The following CNR1 variants were observed in gnomAD, a reference collection of about 807,000 sequenced individuals.
CNR1 encodes the protein cannabinoid receptor 1, also known as cannabinoid receptor 1 (brain).
CNR1 carries 10 observed loss-of-function variants against 23.0 expected under a neutral mutation model. The ratio of observed to expected loss-of-function variants is 0.43; its 90% CI spans 0.27 to 0.74. The LOEUF is 0.74. Among genes scored for constraint, CNR1 ranks in the 30% least tolerant of loss-of-function variants. The pLI, the probability that CNR1 is intolerant of heterozygous loss-of-function variation, is 0.19. For synonymous variants in CNR1, 271 were observed against 255.2 expected (o/e 1.06, Z -0.59); for missense variants, 422 against 618.8 (o/e 0.68, Z 3.37).
Position 88,144,313 on chromosome 6 carries a change from G to T in CNR1, c.962C>A (p.Thr321Lys), listed in dbSNP as rs371968575. Residue 321 changes from threonine (T) to lysine (K), a missense_variant, in exon 2 of 2, where the codon ACG becomes AAG. By Grantham distance (78) the Thr-to-Lys change is moderately conservative. Around this residue, in one of 4 missense-constraint regions of CNR1, gnomAD observed 211 missense variants for 357.3 expected, o/e 0.59. Coordinates refer to ENST00000369501, the MANE Select transcript of CNR1 (RefSeq NM_016083.6). This position sits in a 1 kb window ranked among gnomAD's most constrained non-coding sequence, Gnocchi z 7.8. ...CACCTGTACCTTCCCATCCTCAGAC[G>T]TGTGGATGATGATGCTCTTCTGGGT... ...RGTQKSIIIH[T>K]SEDGKVQVTR... 2.9e-5 allele frequency: 46 copies of T among 1,612,698 alleles called. No homozygotes were observed. The highest frequency in any genetic ancestry group is 3.8e-5 in the Non-Finnish European group (45 of 1,179,982).
intron 1 of CNR1, among the ~76,000 whole-genome samples, chr6:88,160,427 TTTC>T (rs1351135616): frequency 2.0e-5 from 3 of 151,616 alleles, no homozygotes; most frequent in South Asian, 2.1e-4. Context: ...AAAAATTTTT[TTTC>T]TTTTCTTTTT....
intron 1 of CNR1, among the ~76,000 whole-genome samples, chr6:88,145,751 G>A (rs992397923): frequency 6.6e-6 from 1 of 152,206 alleles, no homozygotes; most frequent in Non-Finnish European, 1.5e-5. Context: ...GGTTGGGGCC[G>A]GCGAGAGCAC....
At chr6:88,163,137 ACT>A (rs1208985909) in intron 1 of CNR1, 4 of 152,188 alleles carry the variant, frequency 2.6e-5, no homozygotes, top group African/African-American at 9.7e-5. Context: ...CTTAGATTAG[ACT>A]GGATTAACTT....
At chr6:88,163,084 C>T (rs1353483314) in intron 1 of CNR1, 3 of 152,168 alleles carry the variant, frequency 2.0e-5, no homozygotes, top group Admixed American at 6.5e-5. Context: ...TGCCTGTTAT[C>T]ATGCTTTAAT....
Position 88,152,340 on chromosome 6 carries a change from G to C in CNR1, c.-63-7003C>G, listed in dbSNP as rs564310216. The stretch of plus-strand genomic sequence containing the variant: ...CTAGGTAAGTCTACCTACTTGCATG[G>C]ACCTAAAGATTAAAATTTAGTCACT... On this transcript the variant is annotated intron_variant, in intron 1 of 1. Coordinates refer to ENST00000369501, the MANE Select transcript of CNR1 (RefSeq NM_016083.6). 3.3e-5 allele frequency among the ~76,000 whole-genome samples: 5 copies of C among 152,114 alleles called. No individual in the cohort carries two copies. The East Asian group carries it at 5.8e-4, about 18-fold the overall frequency.
rs1035994630 is a variant in CNR1, at chr6:88,140,794, TAACTC to T, written c.*3057_*3061del. The stretch of plus-strand genomic sequence containing the variant: ...CTTGGCATTTAATACCAGATAGACT[TAACTC>T]AAAGTGCCAGAGAGGCTTGGAAATC... On this transcript the variant is annotated 3_prime_UTR_variant, in exon 2 of 2. Transcript: ENST00000369501. 3.9e-5 allele frequency: 6 copies of T among 152,350 alleles called. No individual in the cohort carries two copies. The highest frequency in any genetic ancestry group is 7.3e-5 in the Non-Finnish European group (5 of 68,032). The allele number at this position is 152,350 out of a possible 1,614,324, so 9.4% of individuals were successfully genotyped here.
chr6:88,153,897 C>T (rs117405255), intron 1 of CNR1, among the ~76,000 whole-genome samples: 1 of 152,186 alleles, frequency 6.6e-6, no homozygotes, highest in Non-Finnish European at 1.5e-5. Flanking sequence ...TTTTCTAACT[C>T]TTACCTAATC....
At position 88,143,672 on chromosome 6, in the gene CNR1, G is replaced by T; in HGVS notation, c.*184C>A. On this transcript the variant is annotated 3_prime_UTR_variant, in exon 2 of 2. Coordinates refer to ENST00000369501, the MANE Select transcript of CNR1 (RefSeq NM_016083.6). ...GCTTTCTTCACTGTAAACCCCTGGA[G>T]AATGGAGTTTGAGTACCTAAACTAT... The T allele has an allele frequency of 1.7e-6, 1 of 591,834 alleles. No individual in the cohort carries two copies. The highest frequency in any genetic ancestry group is 3.0e-6 in the Non-Finnish European group (1 of 334,208). The allele number at this position is 591,834 out of a possible 1,614,324, so 36.7% of individuals were successfully genotyped here. A position where few individuals can be genotyped will look rare whatever the true frequency, so the allele number is the denominator to read the frequency against.
chr6:88,154,719 C>T (rs1187492465), intron 1 of CNR1, among the ~76,000 whole-genome samples: 1 of 152,182 alleles, frequency 6.6e-6, no homozygotes, highest in Non-Finnish European at 1.5e-5. Flanking sequence ...GCTTGGATTA[C>T]AGGTGCATGC....
chr6:88,149,004 T>C (rs806377), intron 1 of CNR1, among the ~76,000 whole-genome samples: 82,079 of 151,928 alleles, frequency 0.54, 22,682 homozygotes, highest in African/African-American at 0.65. Context: ...CTGCACACCT[T>C]TCCTGCAACT....
chr6:88,164,948 A>C (rs896840284), intron 1 of CNR1, among the ~76,000 whole-genome samples: 1 of 152,254 alleles, frequency 6.6e-6, no homozygotes, highest in East Asian at 1.9e-4. Flanking sequence ...GAGGAGGCTT[A>C]CTATATCAGG....
intron 1 of CNR1, among the ~76,000 whole-genome samples, chr6:88,150,437 CTT>C (rs768915033): frequency 1.4e-5 from 2 of 142,038 alleles, no homozygotes; most frequent in South Asian, 2.3e-4. Context: ...TTTACCCCCT[CTT>C]TGTTTTCTTT....
chr6:88,161,587 T>C (rs2127770240), intron 1 of CNR1, among the ~76,000 whole-genome samples: 1 of 152,370 alleles, frequency 6.6e-6, no homozygotes. Flanking sequence ...TTATGGGGCC[T>C]TGTTAAATCA....
chr6:88,145,268 A>G lies in CNR1; in HGVS notation c.7T>C (p.Ser3Pro). 6.2e-7 allele frequency: 1 copy of G among 1,607,842 alleles called. No homozygotes were observed. Among genetic ancestry groups the G allele is most frequent in the Non-Finnish European group, 8.5e-7 (1 of 1,175,904 alleles). Residue 3 changes from serine (S) to proline (P), a missense_variant, in exon 2 of 2, where the codon TCG becomes CCG. By Grantham distance (74) the Ser-to-Pro change is moderately conservative. Coordinates refer to ENST00000369501, the MANE Select transcript of CNR1 (RefSeq NM_016083.6). Reference sequence around the variant, plus strand: ...GTATCTGCAAGGCCATCTAGGATCGACTTCATAACCTCAGTCTTTGATTAG... The same window carrying G: ...GTATCTGCAAGGCCATCTAGGATCGGCTTCATAACCTCAGTCTTTGATTAG... The part of the protein sequence containing the change: MK[S>P]ILDGLADTTF...
At chr6:88,166,597 T>TCCG (rs1343455128), upstream of CNR1, among the ~76,000 whole-genome samples, 4 of 151,906 alleles carry the variant, frequency 2.6e-5, no homozygotes, top group Non-Finnish European at 4.4e-5. Context: ...CTCCTCCTCC[T>TCCG]CCGCCGCCGC....
rs1340512426 is a variant in CNR1 at position 88,149,963 on chromosome 6, A to G, written c.-63-4626T>C. Among the ~76,000 whole-genome samples the G allele has an allele frequency of 2.0e-5, 3 of 152,250 alleles. No individual in the cohort carries two copies. The East Asian group carries it at 5.8e-4, about 29-fold the overall frequency. ...CAGGAGAGCAGACAGCTGAGTTCCCACAGAAATGTTCACCTGAACCTAATA... is the reference window on the plus strand; with the variant it reads ...CAGGAGAGCAGACAGCTGAGTTCCCGCAGAAATGTTCACCTGAACCTAATA... On this transcript the variant is annotated intron_variant, in intron 1 of 1. Coordinates refer to ENST00000369501, the MANE Select transcript of CNR1 (RefSeq NM_016083.6).
chr6:88,144,681 G>T lies in CNR1; in HGVS notation c.594C>A (p.Ala198=), dbSNP rs759331129. 6.2e-7 allele frequency: 1 copy of T among 1,614,204 alleles called. No homozygotes were observed. Among genetic ancestry groups the T allele is most frequent in the Admixed American group, 1.7e-5 (1 of 60,032 alleles). The part of the protein sequence containing the change: ...VFLFKLGGVT[A]SFTASVGSLF... ...GGCTGCCCACGGAGGCAGTGAAGGAGGCCGTGACCCCACCCAGTTTGAACA... is the reference window on the plus strand; with the variant it reads ...GGCTGCCCACGGAGGCAGTGAAGGATGCCGTGACCCCACCCAGTTTGAACA... The change falls in exon 2 of 2, where the codon GCC becomes GCA. Residue 198 remains alanine (A), a synonymous_variant. Transcript: ENST00000369501. This position sits in a 1 kb window ranked among gnomAD's most constrained non-coding sequence, Gnocchi z 7.8.
chr6:88,145,718 C>G (rs761280904), intron 1 of CNR1, among the ~76,000 whole-genome samples: 1 of 152,218 alleles, frequency 6.6e-6, no homozygotes, highest in Non-Finnish European at 1.5e-5. Flanking sequence ...TCTCCTGTCA[C>G]ACACACATGG....
At chr6:88,149,183 A>G (rs2127837984) in intron 1 of CNR1, among the ~76,000 whole-genome samples, 1 of 152,310 alleles carries the variant, frequency 6.6e-6, no homozygotes, top group South Asian at 2.1e-4. Flanking sequence ...TAAAGGATGC[A>G]GAAATAAAAG....
Sources: gnomAD v4.1 joint callset for allele counts (sites outside exome capture counted in the v4.1 genomes callset) on GRCh38, gnomAD v4.1.1 for gene constraint, gnomAD v4.1.1 regional missense constraint, Gnocchi (gnomAD v3.1) non-coding constraint, MANE v1.5 for transcripts, NCBI Gene and HGNC (gene_info 2026-07-23, HGNC 2026-07-21) for gene names.